The following TIAM2 variants were observed in gnomAD, a reference collection of about 807,000 sequenced individuals.
The protein encoded by TIAM2 is TIAM Rac1 associated GEF 2, also known as rho guanine nucleotide exchange factor TIAM2.
A neutral mutation model predicts 152.9 loss-of-function variants in TIAM2; 80 were observed. The ratio of observed to expected loss-of-function variants is 0.52; its 90% CI spans 0.44 to 0.63. The LOEUF (loss-of-function observed/expected upper bound fraction) is 0.63, where lower values mean the gene tolerates loss of function less well. Ranked by LOEUF, TIAM2 falls within the 30% of genes least tolerant of loss-of-function variation. The probability of loss-of-function intolerance (pLI) is 0.00; values close to 1 mark genes in which losing one functional copy is unlikely to be tolerated. For missense variants in TIAM2, 1,965 were observed against 2,120.1 expected (o/e 0.93, Z 1.44); for synonymous variants, 804 against 838.0 (o/e 0.96, Z 0.70).
At chr6:155,227,057 A>G (rs1782274139) in intron 15 of TIAM2, among the ~76,000 whole-genome samples, 2 of 152,238 alleles carry the variant, frequency 1.3e-5, no homozygotes, top group Admixed American at 6.5e-5. Context: ...CTCCTGCTCT[A>G]CTAAGTTGGA....
At position 155,218,998 on chromosome 6, in the gene TIAM2, GCCGTGTTCTTGA is replaced by G. The variant is rs1781952983; in HGVS notation, c.3168+7694_3168+7705del. ...CCCACCCGTGTTCTTGACCATCTCA[GCCGTGTTCTTGA>G]CCATCTCAGCCGCCCACCCGTGTTC... On this transcript the variant is annotated intron_variant, in intron 15 of 26. Coordinates refer to ENST00000682666, the MANE Select transcript of TIAM2 (RefSeq NM_012454.4). This position sits in a 1 kb window ranked among gnomAD's most constrained non-coding sequence, Gnocchi z 4.5. Among the ~76,000 whole-genome samples the G allele has an allele frequency of 1.3e-5, 1 of 74,690 alleles. No homozygotes were observed. Among genetic ancestry groups the G allele is most frequent in the African/African-American group, 5.6e-5 (1 of 17,942 alleles). The allele number at this position is 74,690 out of a possible 152,430, so 49.0% of individuals were successfully genotyped here. A position where few individuals can be genotyped will look rare whatever the true frequency, so the allele number is the denominator to read the frequency against.
At chr6:155,035,869 G>A (rs977654780) in intron 1 of TIAM2, among the ~76,000 whole-genome samples, 1 of 152,312 alleles carries the variant, frequency 6.6e-6, no homozygotes, top group South Asian at 2.1e-4. Context: ...AGGCTGCGAT[G>A]ATACAAAGAC....
chr6:155,007,014 A>C (rs941851098), intron 1 of TIAM2, among the ~76,000 whole-genome samples: 1 of 152,126 alleles, frequency 6.6e-6, no homozygotes, highest in Admixed American at 6.5e-5. Context: ...TTTGTGGAGA[A>C]AGGGTCTTGC....
intron 1 of TIAM2, among the ~76,000 whole-genome samples, chr6:155,051,661 TG>T (rs1777321048): frequency 6.6e-6 from 1 of 152,100 alleles, no homozygotes; most frequent in African/African-American, 2.4e-5. Flanking sequence ...TGTTTTTTTT[TG>T]AGATGGAGTT....
rs542583349 is a variant in TIAM2 at position 155,004,544 on chromosome 6, G to A, written c.-209+9052G>A. On this transcript the variant is annotated intron_variant, in intron 1 of 26. Coordinates refer to ENST00000682666, the MANE Select transcript of TIAM2 (RefSeq NM_012454.4). ...TAGCTGGGACTTGTTACAGGCGCCC[G>A]CCACTACGCCCAGCTCATTTTTTGT... 1.2e-4 allele frequency among the ~76,000 whole-genome samples: 18 copies of A among 152,092 alleles called. No individual in the cohort carries two copies. In the East Asian group the frequency reaches 3.3e-3, roughly 28 times the overall value.
At chr6:155,219,853 C>T (rs1781982333) in intron 15 of TIAM2, among the ~76,000 whole-genome samples, 1 of 151,532 alleles carries the variant, frequency 6.6e-6, no homozygotes, top group African/African-American at 2.4e-5. Flanking sequence ...GGCAATGTCA[C>T]TTACGTGTCA....
chr6:155,183,137 C>T (rs1780949607), intron 13 of TIAM2, 100 bp from the exon 14 acceptor site: 1 of 1,455,708 alleles, frequency 6.9e-7, no homozygotes, highest in Non-Finnish European at 9.3e-7. Flanking sequence ...AAAACAGTCC[C>T]TACGAGTACA....
chr6:155,250,841 A>C lies in TIAM2; in HGVS notation c.3952-72A>C. On this transcript the variant is annotated intron_variant, in intron 21 of 26. Transcript: ENST00000682666. ...GCATTTTAGCAATGACTGTGTGTAC[A>C]TCACTATCTAACAAGAGATCATCTA... The C allele has an allele frequency of 3.4e-6, 5 of 1,454,422 alleles. No homozygotes were observed. In the South Asian group the frequency reaches 5.7e-5, roughly 17 times the overall value. The allele number at this position is 1,454,422 out of a possible 1,614,324, so 90.1% of individuals were successfully genotyped here.
chr6:155,016,086 C>T (rs2498491), intron 1 of TIAM2, among the ~76,000 whole-genome samples: 35,463 of 151,766 alleles, frequency 0.23, 5,430 homozygotes, highest in African/African-American at 0.42. Context: ...TGGGAATAAC[C>T]ATTCTGGAAA....
Position 155,110,976 on chromosome 6 carries a change from A to G in TIAM2, c.-117-16514A>G, listed in dbSNP as rs368955323. 1.3e-4 allele frequency among the ~76,000 whole-genome samples: 20 copies of G among 152,244 alleles called. No homozygotes were observed. In the South Asian group the frequency reaches 4.1e-3, roughly 32 times the overall value. On this transcript the variant is annotated intron_variant, in intron 2 of 26. Transcript: ENST00000682666. ...TTGTGCTTGACCCTGACCCATCTCT[A>G]TAGTCGCAGAATTGCTAGAGTCGGA...
chr6:155,179,714 A>G (rs1233503395), intron 12 of TIAM2, among the ~76,000 whole-genome samples: 4 of 152,252 alleles, frequency 2.6e-5, no homozygotes, highest in Admixed American at 1.3e-4. Context: ...TTGAAAATAT[A>G]GATTAATAAC....
intron 1 of TIAM2, among the ~76,000 whole-genome samples, chr6:155,003,605 G>A (rs948954918): frequency 5.9e-5 from 9 of 152,142 alleles, no homozygotes; most frequent in African/African-American, 9.7e-5. Context: ...AGTCTCCACC[G>A]GGGCCAAAGG....
At chr6:155,162,816 A>G (rs1780307331) in intron 7 of TIAM2, among the ~76,000 whole-genome samples, 1 of 152,192 alleles carries the variant, frequency 6.6e-6, no homozygotes, top group African/African-American at 2.4e-5. Context: ...GGTATACAGG[A>G]TCTTGAGTGA....
chr6:155,084,631 T>A (rs1029307742), intron 1 of TIAM2, among the ~76,000 whole-genome samples: 1 of 152,098 alleles, frequency 6.6e-6, no homozygotes, highest in African/African-American at 2.4e-5. Context: ...ATAACAACGG[T>A]CTTTTTGTAA....
chr6:155,096,105 A>G (rs73002988), intron 2 of TIAM2, among the ~76,000 whole-genome samples: 1,702 of 152,302 alleles, frequency 0.011, 21 homozygotes, highest in Non-Finnish European at 0.015. Context: ...TTTAATTTCA[A>G]AACTTAGGAT....
chr6:155,031,432 A>G (rs1278835944), intron 1 of TIAM2, among the ~76,000 whole-genome samples: 1 of 152,154 alleles, frequency 6.6e-6, no homozygotes, highest in African/African-American at 2.4e-5. Context: ...TTTGAAAATG[A>G]AGAGATGAGG....
Position 155,253,003 on chromosome 6 carries a change from G to T in TIAM2, c.4175G>T (p.Arg1392Leu), listed in dbSNP as rs374216272. 7 of 1,613,990 alleles carry T rather than the reference G, an allele frequency of 4.3e-6. No homozygotes were observed. Among genetic ancestry groups the T allele is most frequent in the Non-Finnish European group, 5.9e-6 (7 of 1,180,042 alleles). ...NSTDLDPFKFRWLIPISALQV... is the reference protein window; with the variant it reads ...NSTDLDPFKFLWLIPISALQV... ...ACTGACTTGGACCCATTTAAATTCC[G>T]CTGGTTGATCCCCATCTCCGCGCTT... Residue 1392 changes from arginine to leucine, a missense_variant, in exon 24 of 27, where the codon CGC becomes CTC. Transcript: ENST00000682666.
intron 1 of TIAM2, among the ~76,000 whole-genome samples, chr6:155,083,768 C>G (rs1486485711): frequency 6.6e-6 from 1 of 152,202 alleles, no homozygotes; most frequent in Non-Finnish European, 1.5e-5. Flanking sequence ...GATACCAATG[C>G]TAAGTCAATT....
rs79164732 is a variant in TIAM2, at chr6:155,173,422, C to A, written c.2362-3394C>A. Among the ~76,000 whole-genome samples the A allele has an allele frequency of 2.0e-3, 309 of 152,250 alleles. 3 individuals carry two copies. The highest frequency in any genetic ancestry group is 0.02 in the East Asian group (104 of 5,190). On this transcript the variant is annotated intron_variant, in intron 9 of 26. Coordinates refer to ENST00000682666, the MANE Select transcript of TIAM2 (RefSeq NM_012454.4). Reference sequence around the variant, plus strand: ...TTAATGGATTTTAATAGGATTATTTCTTTTGTCCTTCCATCCTTCCATCTA... The same window carrying A: ...TTAATGGATTTTAATAGGATTATTTATTTTGTCCTTCCATCCTTCCATCTA...
Sources: allele counts gnomAD v4.1 joint callset (sites outside exome capture counted in the v4.1 genomes callset), GRCh38; gene constraint gnomAD v4.1.1; non-coding constraint Gnocchi (gnomAD v3.1); transcripts MANE v1.5; gene names NCBI Gene and HGNC (gene_info 2026-07-23, HGNC 2026-07-21).